The following PAK5 variants were observed in gnomAD, a reference collection of about 807,000 sequenced individuals.
PAK5 encodes p21 (RAC1) activated kinase 5, also known as serine/threonine-protein kinase PAK 5.
PAK5 carries 16 observed loss-of-function variants against 65.9 expected under a neutral mutation model. The observed-to-expected ratio is 0.24, with a 90% CI of 0.16 to 0.37. The LOEUF is 0.37. PAK5 is among the 10% of genes least tolerant of loss of function. The pLI, the probability that PAK5 is intolerant of heterozygous loss-of-function variation, is 1.00. For synonymous variants in PAK5, 371 were observed against 354.9 expected (o/e 1.05, Z -0.51); for missense variants, 785 against 903.9 (o/e 0.87, Z 1.69).
At chr20:9,726,530 G>A (rs1408655818) in intron 1 of PAK5, among the ~76,000 whole-genome samples, 1 of 152,244 alleles carries the variant, frequency 6.6e-6, no homozygotes, top group African/African-American at 2.4e-5. Context: ...GTGATTCTAA[G>A]TGAAAATGAT....
intron 2 of PAK5, among the ~76,000 whole-genome samples, chr20:9,660,292 C>T (rs1244310366): frequency 7.6e-6 from 1 of 132,226 alleles, no homozygotes; most frequent in African/African-American, 2.6e-5. Flanking sequence ...AAGTGATTTG[C>T]ATTCCAAGCA....
intron 1 of PAK5, among the ~76,000 whole-genome samples, chr20:9,811,551 G>A (rs6056899): frequency 6.6e-6 from 1 of 152,166 alleles, no homozygotes; most frequent in South Asian, 2.1e-4. Context: ...CTCTCTTAAA[G>A]GTTGCATGAC....
chr20:9,743,749 A>C (rs1324356278), intron 1 of PAK5, among the ~76,000 whole-genome samples: 2 of 152,184 alleles, frequency 1.3e-5, no homozygotes, highest in African/African-American at 2.4e-5. Flanking sequence ...GTAAGTAAAT[A>C]TTTCAAGGGA....
intron 1 of PAK5, among the ~76,000 whole-genome samples, chr20:9,814,339 G>A (rs970199784): frequency 1.3e-5 from 2 of 152,128 alleles, no homozygotes; most frequent in African/African-American, 4.8e-5. Flanking sequence ...TCAGTGAAAT[G>A]AGAATGAAAA....
At chr20:9,662,162 CA>C (rs1164960325) in intron 2 of PAK5, among the ~76,000 whole-genome samples, 4 of 152,132 alleles carry the variant, frequency 2.6e-5, no homozygotes, top group Non-Finnish European at 5.9e-5. Flanking sequence ...AAAATATTGT[CA>C]GTGCTATACA....
chr20:9,836,857 C>T (rs1348166354), intron 1 of PAK5, among the ~76,000 whole-genome samples: 13 of 152,010 alleles, frequency 8.6e-5, no homozygotes, highest in Admixed American at 4.6e-4. Context: ...CTTACTATTC[C>T]GAGGACTGTT....
At chr20:9,550,274 C>T (rs1048820050) in intron 7 of PAK5, among the ~76,000 whole-genome samples, 1 of 152,156 alleles carries the variant, frequency 6.6e-6, no homozygotes, top group Non-Finnish European at 1.5e-5. Context: ...AGTGAAGAGG[C>T]TGCAACTGTG....
chr20:9,544,896 C>T (rs928883724), intron 7 of PAK5, among the ~76,000 whole-genome samples: 5 of 152,220 alleles, frequency 3.3e-5, no homozygotes, highest in Non-Finnish European at 7.3e-5. Context: ...TTTGAACAAA[C>T]TGATGTAATT....
Position 9,723,337 on chromosome 20 carries a change from AG to A in PAK5, c.-161-11903del, listed in dbSNP as rs539338135. On this transcript the variant is annotated intron_variant, in intron 1 of 9. Coordinates refer to ENST00000353224, the MANE Select transcript of PAK5 (RefSeq NM_177990.4). The stretch of plus-strand genomic sequence containing the variant: ...GACTTATTGATGGCTTTGAGGTGCA[AG>A]GGAAAGTATTTTGGCCTGAGCATCA... Among the ~76,000 whole-genome samples the A allele has an allele frequency of 3.8e-4, 58 of 152,250 alleles. No individual in the cohort carries two copies. In the East Asian group the frequency reaches 0.011, roughly 28 times the overall value.
At chr20:9,825,025 A>C (rs1268815808) in intron 1 of PAK5, among the ~76,000 whole-genome samples, 1 of 152,256 alleles carries the variant, frequency 6.6e-6, no homozygotes, top group African/African-American at 2.4e-5. Flanking sequence ...GAAAGCAGAC[A>C]TAAACAGACA....
intron 1 of PAK5, among the ~76,000 whole-genome samples, chr20:9,812,762 A>G (rs1227862174): frequency 6.6e-6 from 1 of 152,208 alleles, no homozygotes. Context: ...CAATAGGGTG[A>G]CTACATTTAA....
intron 3 of PAK5, among the ~76,000 whole-genome samples, chr20:9,641,577 T>G (rs551765762): frequency 2.6e-5 from 4 of 151,834 alleles, no homozygotes; most frequent in African/African-American, 9.7e-5. Context: ...GCCAGTCCTG[T>G]GCGGTGCGCT....
chr20:9,691,410 T>C (rs532154592), intron 2 of PAK5, among the ~76,000 whole-genome samples: 1 of 152,248 alleles, frequency 6.6e-6, no homozygotes, highest in East Asian at 1.9e-4. Context: ...TTTAGGCAAC[T>C]GTCACGAAAA....
rs112715890 is a variant in PAK5, at chr20:9,831,479, T to A, written c.-162+7283A>T. 3.3e-4 allele frequency among the ~76,000 whole-genome samples: 51 copies of A among 152,382 alleles called. No individual in the cohort carries two copies. The East Asian group carries it at 5.4e-3, about 16-fold the overall frequency. On this transcript the variant is annotated intron_variant, in intron 1 of 9. Coordinates refer to ENST00000353224, the MANE Select transcript of PAK5 (RefSeq NM_177990.4). ...CTTATTTGTAAAATAGTGGATTTTT[T>A]AATTCTGATTCATAAAACAACACAT...
At chr20:9,572,870 A>G (rs2045815441) in intron 4 of PAK5, among the ~76,000 whole-genome samples, 2 of 152,190 alleles carry the variant, frequency 1.3e-5, no homozygotes, top group African/African-American at 2.4e-5. Context: ...AAAGGAGACC[A>G]TGGTCTGCAA....
chr20:9,682,076 G>A (rs1237020664), intron 2 of PAK5, among the ~76,000 whole-genome samples: 2 of 152,294 alleles, frequency 1.3e-5, no homozygotes, highest in East Asian at 1.9e-4. Flanking sequence ...TACTAGGGCG[G>A]GCTGGGCGCG....
chr20:9,819,089 G>C (rs1358512649), intron 1 of PAK5, among the ~76,000 whole-genome samples: 1 of 152,044 alleles, frequency 6.6e-6, no homozygotes, highest in Non-Finnish European at 1.5e-5. Context: ...TGAGGGCTTG[G>C]GTGCATATAT....
At chr20:9,798,431 T>A (rs2049130767) in intron 1 of PAK5, among the ~76,000 whole-genome samples, 1 of 152,032 alleles carries the variant, frequency 6.6e-6, no homozygotes, top group Non-Finnish European at 1.5e-5. Context: ...TTTGACTTTC[T>A]CCAGGAAAGA....
chr20:9,747,020 A>G (rs947589702), intron 1 of PAK5, among the ~76,000 whole-genome samples: 1 of 152,236 alleles, frequency 6.6e-6, no homozygotes, highest in Non-Finnish European at 1.5e-5. Context: ...CCGATCCCAC[A>G]GGAATACAAA....
Sources: gnomAD v4.1 joint callset for allele counts (sites outside exome capture counted in the v4.1 genomes callset) on GRCh38, gnomAD v4.1.1 for gene constraint, MANE v1.5 for transcripts, NCBI Gene and HGNC (gene_info 2026-07-23, HGNC 2026-07-21) for gene names.